The following PIP4K2B variants were observed in gnomAD, a reference collection of about 807,000 sequenced individuals.
PIP4K2B encodes phosphatidylinositol 5-phosphate 4-kinase type-2 beta.
PIP4K2B carries 3 observed loss-of-function variants against 42.0 expected under a neutral mutation model. The ratio of observed to expected loss-of-function variants is 0.07; its 90% confidence interval spans 0.03 to 0.18. PIP4K2B has a LOEUF of 0.18. Ranked by LOEUF, PIP4K2B falls within the 10% of genes least tolerant of loss-of-function variation. The pLI, the probability that PIP4K2B is intolerant of heterozygous loss-of-function variation, is 1.00. For missense variants in PIP4K2B, 332 were observed against 562.3 expected, an observed-to-expected ratio of 0.59 and a Z score of 4.14; for synonymous variants, 204 against 210.1, an observed-to-expected ratio of 0.97 and a Z score of 0.25.
At chr17:38,781,675 C>T (rs972500135) in intron 3 of PIP4K2B, among the ~76,000 whole-genome samples, 2 of 151,876 alleles carry the variant, frequency 1.3e-5, no homozygotes. Context: ...CACCAACATG[C>T]CCGGCTTATT....
At chr17:38,793,220 C>T (rs1178053184) in intron 1 of PIP4K2B, among the ~76,000 whole-genome samples, 1 of 150,000 alleles carries the variant, frequency 6.7e-6, no homozygotes, top group Non-Finnish European at 1.5e-5. Context: ...TAAGCCACTG[C>T]TCCCAGCCAT....
chr17:38,769,481 C>G lies in PIP4K2B; in HGVS notation c.*210G>C. 1 of 565,396 alleles carries G rather than the reference C, an allele frequency of 1.8e-6. No homozygotes were observed. Among genetic ancestry groups the G allele is most frequent in the Non-Finnish European group, 3.2e-6 (1 of 315,664 alleles). 35.0% of individuals were successfully genotyped at this position (565,396 alleles called of 1,614,324 possible). A position where few individuals can be genotyped will look rare whatever the true frequency, so the allele number is the denominator to read the frequency against. ...CAAGGGTAAGCAGAAGGTGGGGTTA[C>G]ATCCTGTGAGCAGGTGCACACACAG... On this transcript the variant is annotated 3_prime_UTR_variant, in exon 10 of 10. Transcript: ENST00000619039.
chr17:38,796,981 T>C (rs2143503578), intron 1 of PIP4K2B, among the ~76,000 whole-genome samples: 1 of 152,202 alleles, frequency 6.6e-6, no homozygotes, highest in South Asian at 2.1e-4. Context: ...AGTTCCCAAA[T>C]GGGGACACTG....
At chr17:38,790,504 G>A (rs966432120) in intron 1 of PIP4K2B, among the ~76,000 whole-genome samples, 24 of 152,234 alleles carry the variant, frequency 1.6e-4, no homozygotes, top group Admixed American at 3.9e-4. Flanking sequence ...TGTTGCCCAG[G>A]CTGGAGTGCA....
chr17:38,780,429 C>A, intron 4 of PIP4K2B, 23 bp downstream of exon 4: 1 of 1,587,578 alleles, frequency 6.3e-7, no homozygotes, highest in Non-Finnish European at 8.6e-7. Flanking sequence ...TCCTCTGCAG[C>A]CCAGGCTTGG....
intron 1 of PIP4K2B, among the ~76,000 whole-genome samples, chr17:38,789,075 C>G (rs776034366): frequency 1.7e-4 from 26 of 152,110 alleles, no homozygotes; most frequent in Admixed American, 2.6e-4. Flanking sequence ...GCTGACTGCA[C>G]CACTGCACTG....
In PIP4K2B at chr17:38,768,928, C is replaced by T. The variant is rs1908855555; in HGVS notation, c.*763G>A. Reference sequence around the variant, plus strand: ...ACAGGGTTCTCTGAGAACCAGGTGTCCAAGAGCCCAGCCGCTTTCCTGCCC... The same window carrying T: ...ACAGGGTTCTCTGAGAACCAGGTGTTCAAGAGCCCAGCCGCTTTCCTGCCC... On this transcript the variant is annotated 3_prime_UTR_variant, in exon 10 of 10. Transcript: ENST00000619039. 1 of 152,612 alleles carries T rather than the reference C, an allele frequency of 6.6e-6. No homozygotes were observed. Among genetic ancestry groups the T allele is most frequent in the Admixed American group, 6.5e-5 (1 of 15,270 alleles). 9.5% of individuals were successfully genotyped at this position (152,612 alleles called of 1,614,324 possible). A position where few individuals can be genotyped will look rare whatever the true frequency, so the allele number is the denominator to read the frequency against.
At chr17:38,796,116 T>C (rs944086333) in intron 1 of PIP4K2B, among the ~76,000 whole-genome samples, 1 of 151,880 alleles carries the variant, frequency 6.6e-6, no homozygotes, top group Non-Finnish European at 1.5e-5. Context: ...CCAGCCTGGG[T>C]GACGGAGTGA....
chr17:38,784,085 C>T (rs1384676154), intron 3 of PIP4K2B, among the ~76,000 whole-genome samples, 158 bp downstream of exon 3: 1 of 152,204 alleles, frequency 6.6e-6, no homozygotes, highest in Non-Finnish European at 1.5e-5. Flanking sequence ...CTGCAAGGGG[C>T]CCCCAGTGCT....
chr17:38,766,441 A>G lies in PIP4K2B; in HGVS notation c.*3250T>C, dbSNP rs1908710346. On this transcript the variant is annotated 3_prime_UTR_variant, in exon 10 of 10. Transcript: ENST00000619039. ...TGGGGGGTAGGACTGGCTACTGCAAAAAGTCCTGGGTCTTTGGTCCACCTC... is the reference window on the plus strand; with the variant it reads ...TGGGGGGTAGGACTGGCTACTGCAAGAAGTCCTGGGTCTTTGGTCCACCTC... 6.5e-6 allele frequency: 1 copy of G among 152,688 alleles called. No individual in the cohort carries two copies. Among genetic ancestry groups the G allele is most frequent in the Non-Finnish European group, 1.5e-5 (1 of 68,072 alleles). 9.5% of individuals were successfully genotyped at this position (152,688 alleles called of 1,614,324 possible).
intron 4 of PIP4K2B, among the ~76,000 whole-genome samples, chr17:38,780,177 G>A (rs983929345): frequency 6.6e-5 from 10 of 152,216 alleles, no homozygotes; most frequent in African/African-American, 2.2e-4. Flanking sequence ...CCGAGCTGAG[G>A]GGGCCTCTTT....
At position 38,779,371 on chromosome 17, in the gene PIP4K2B, A is replaced by G. The variant is rs373463209; in HGVS notation, c.654+12T>C. On this transcript the variant is annotated intron_variant, in intron 5 of 9. Coordinates refer to ENST00000619039, the MANE Select transcript of PIP4K2B (RefSeq NM_003559.5). ...GGGGAGGCACAGCTCCGGCAAACAC[A>G]GAGCCCTTTACCTTGAGGTCATACT... 56 of 1,598,112 alleles carry G rather than the reference A, an allele frequency of 3.5e-5. No individual in the cohort carries two copies. The highest frequency in any genetic ancestry group is 4.8e-5 in the Non-Finnish European group (56 of 1,168,060).
At chr17:38,798,232 T>C (rs1357143882) in intron 1 of PIP4K2B, among the ~76,000 whole-genome samples, 1 of 152,236 alleles carries the variant, frequency 6.6e-6, no homozygotes, top group Non-Finnish European at 1.5e-5. Context: ...TCCAAAATTC[T>C]AGTTAGTGAA....
chr17:38,793,650 C>T (rs929423042), intron 1 of PIP4K2B, among the ~76,000 whole-genome samples: 8 of 152,216 alleles, frequency 5.3e-5, no homozygotes, highest in East Asian at 1.9e-4. Context: ...GTGGGCAAAT[C>T]GCTTGAGCCC....
chr17:38,783,226 A>G (rs76556245), intron 3 of PIP4K2B, among the ~76,000 whole-genome samples: 2,693 of 146,918 alleles, frequency 0.018, 86 homozygotes, highest in African/African-American at 0.063. Context: ...AAAGTCAGCT[A>G]TATTTCTTAC....
chr17:38,779,314 TGGA>T, intron 5 of PIP4K2B, 66 bp downstream of exon 5: 1 of 1,451,738 alleles, frequency 6.9e-7, no homozygotes, highest in Non-Finnish European at 9.6e-7. Context: ...ACATGGAAGT[TGGA>T]GTAGTGGCCC....
chr17:38,790,023 G>A (rs191269690), intron 1 of PIP4K2B, among the ~76,000 whole-genome samples: 8 of 152,232 alleles, frequency 5.3e-5, no homozygotes, highest in African/African-American at 1.9e-4. Context: ...ATGTTGCTTG[G>A]GGTGATGGTT....
chr17:38,774,036 A>G (rs73985003), intron 7 of PIP4K2B, among the ~76,000 whole-genome samples: 5,919 of 152,322 alleles, frequency 0.039, 377 homozygotes, highest in African/African-American at 0.14. Context: ...GTTGGGGGTG[A>G]CTAAGGAAAC....
At chr17:38,791,548 T>C (rs912815161) in intron 1 of PIP4K2B, among the ~76,000 whole-genome samples, 1 of 150,976 alleles carries the variant, frequency 6.6e-6, no homozygotes. Context: ...TAGCTCGGAT[T>C]ATAGGCATGC....
Sources: allele counts gnomAD v4.1 joint callset (sites outside exome capture counted in the v4.1 genomes callset), GRCh38; gene constraint gnomAD v4.1.1; transcripts MANE v1.5; gene names NCBI Gene and HGNC (gene_info 2026-07-23, HGNC 2026-07-21).